Variants in AKR1C3 observed in about 807,000 individuals in gnomAD.
AKR1C3 encodes the protein aldo-keto reductase family 1 member C3, also known as 3-alpha hydroxysteroid dehydrogenase, type II.
In AKR1C3, 48 loss-of-function variants were observed where a neutral mutation model predicts 43.6. The ratio of observed to expected loss-of-function variants is 1.10; its 90% CI spans 0.87 to 1.40. AKR1C3 has a LOEUF of 1.40. Among genes scored for constraint, AKR1C3 ranks in the 40% most tolerant of loss-of-function variants. The pLI, the probability that AKR1C3 is intolerant of heterozygous loss-of-function variation, is 0.00. For synonymous variants in AKR1C3, 162 were observed against 139.6 expected (o/e 1.16, Z -1.13); for missense variants, 482 against 391.2 (o/e 1.23, Z -1.96).
chr10:5,048,900 T>C (rs782671672), intron 1 of AKR1C3: 1 of 1,611,694 alleles, frequency 6.2e-7, no homozygotes, highest in South Asian at 1.1e-5. Context: ...CCAGAGGTAA[T>C]AATAATGTTT....
At chr10:5,082,812 A>G (rs1457602973) in intron 1 of AKR1C3, among the ~76,000 whole-genome samples, 1 of 152,106 alleles carries the variant, frequency 6.6e-6, no homozygotes, top group African/African-American at 2.4e-5. Context: ...AGTTTAGTAG[A>G]ACAATTAGGG....
chr10:5,062,574 G>T lies in AKR1C3; in HGVS notation c.84+13679G>T, dbSNP rs530919428. On this transcript the variant is annotated intron_variant, in intron 1 of 8. Transcript: ENST00000439082. Reference sequence around the variant, plus strand: ...AAACCATGTAAACCAGTGCCATCCTGTTCCACCTGCACTTTCTTATTTTAA... The same window carrying T: ...AAACCATGTAAACCAGTGCCATCCTTTTCCACCTGCACTTTCTTATTTTAA... Among the ~76,000 whole-genome samples, 227 of 152,216 alleles carry T rather than the reference G, an allele frequency of 1.5e-3. 1 individual carries two copies. The highest frequency in any genetic ancestry group is 5.3e-3 in the African/African-American group (220 of 41,544).
intron 3 of AKR1C3, chr10:5,098,102 T>C (rs1271837366): frequency 1.0e-6 from 1 of 987,028 alleles, no homozygotes. Context: ...GTATAACTTT[T>C]GATTTAAAGT....
intron 5 of AKR1C3, 28 bp downstream of exon 5, chr10:5,099,477 C>CGGTTCTTCATGCCCCCTCT (rs1839296184): frequency 6.2e-7 from 1 of 1,613,882 alleles, no homozygotes; most frequent in African/African-American, 1.3e-5. Flanking sequence ...TCTCTCCTTT[C>CGGTTCTTCATGCCCCCTCT]GGTTCTTCAT....
chr10:5,086,011 CT>C, intron 1 of AKR1C3, among the ~76,000 whole-genome samples: 1 of 151,804 alleles, frequency 6.6e-6, no homozygotes, highest in South Asian at 2.1e-4. Context: ...TTTTGTTGAT[CT>C]TTTCAAAAAA....
chr10:5,092,049 T>A (rs546504725), upstream of AKR1C3, among the ~76,000 whole-genome samples: 129 of 145,166 alleles, frequency 8.9e-4, no homozygotes, highest in East Asian at 2.3e-3. Context: ...TAAAAAAAAA[T>A]TTTTGCCAAA....
Position 5,105,645 on chromosome 10 carries a change from A to G in AKR1C3, c.897A>G (p.Leu299=). Residue 299 remains leucine (L), a synonymous_variant, in exon 8 of 9, where the codon CTA becomes CTG. Coordinates refer to ENST00000380554, the MANE Select transcript of AKR1C3 (RefSeq NM_003739.6). ...TAEDMKAIDG[L]DRNLHYFNSD... ...AGGACATGAAAGCCATAGATGGCCT[A>G]GACAGAAATCTCCACTATTTTAACA... 1 of 1,614,018 alleles carries G rather than the reference A, an allele frequency of 6.2e-7. No individual in the cohort carries two copies. Among genetic ancestry groups the G allele is most frequent in the Non-Finnish European group, 8.5e-7 (1 of 1,179,892 alleles).
chr10:5,092,481 CTCTT>C (rs1189270183), upstream of AKR1C3, among the ~76,000 whole-genome samples: 2 of 58,588 alleles, frequency 3.4e-5, no homozygotes, highest in African/African-American at 1.1e-4. Flanking sequence ...CATCTCTTTA[CTCTT>C]TTTTTTTTTT....
At chr10:5,089,422 A>G (rs1419350686), upstream of AKR1C3, among the ~76,000 whole-genome samples, 1 of 152,118 alleles carries the variant, frequency 6.6e-6, no homozygotes, top group Non-Finnish European at 1.5e-5. Context: ...CATATTTCTC[A>G]AAGCCTTTGT....
rs782746284 is a variant in AKR1C3, at chr10:5,095,871, T to G, written c.85-539T>G. Among the ~76,000 whole-genome samples, 1,491 of 152,238 alleles carry G rather than the reference T, an allele frequency of 9.8e-3. 23 individuals carry two copies. The highest frequency in any genetic ancestry group is 0.034 in the African/African-American group (1,419 of 41,552). On this transcript the variant is annotated intron_variant, in intron 1 of 8. Transcript: ENST00000380554. ...GCAGAAAAGACTTAATAGACTACTA[T>G]TCACAGATGCTTTATTTCCCAAGTG...
At chr10:5,068,509 CAAAA>C (rs74260861) in intron 1 of AKR1C3, among the ~76,000 whole-genome samples, 1 of 59,480 alleles carries the variant, frequency 1.7e-5, no homozygotes, top group African/African-American at 7.2e-5. Context: ...AACCTTTTAC[CAAAA>C]AAAAAAAAAA....
intron 1 of AKR1C3, among the ~76,000 whole-genome samples, chr10:5,063,446 T>A: frequency 6.6e-6 from 1 of 151,626 alleles, no homozygotes; most frequent in Admixed American, 6.6e-5. Flanking sequence ...CCTTACGAAA[T>A]GGTAGTAAAG....
chr10:5,058,352 A>G (rs1480051172), intron 1 of AKR1C3, among the ~76,000 whole-genome samples: 3 of 152,058 alleles, frequency 2.0e-5, no homozygotes, highest in Non-Finnish European at 4.4e-5. Context: ...TGTAATTTGT[A>G]CTTCCCTCAG....
At chr10:5,062,036 G>T (rs1439260465) in intron 1 of AKR1C3, among the ~76,000 whole-genome samples, 1 of 152,178 alleles carries the variant, frequency 6.6e-6, no homozygotes, top group Non-Finnish European at 1.5e-5. Context: ...CTCTTACAAA[G>T]ACATGTAATT....
intron 1 of AKR1C3, among the ~76,000 whole-genome samples, chr10:5,073,579 C>T (rs1397447061): frequency 1.3e-5 from 2 of 152,198 alleles, no homozygotes; most frequent in Non-Finnish European, 2.9e-5. Context: ...ACTCAGCGAG[C>T]AGCTCCAGCC....
chr10:5,102,750 C>A (rs1839389293), intron 7 of AKR1C3, 100 bp downstream of exon 7: 1 of 1,504,856 alleles, frequency 6.6e-7, no homozygotes, highest in Admixed American at 2.2e-5. Context: ...AGCTCCATTT[C>A]CCTGTATTTC....
chr10:5,107,386 C>G, intron 8 of AKR1C3, 75 bp from the exon 9 acceptor site: 1 of 1,068,126 alleles, frequency 9.4e-7, no homozygotes, highest in African/African-American at 1.6e-5. Context: ...CTAATGACAG[C>G]TTCATTGAAA....
intron 5 of AKR1C3, 69 bp downstream of exon 5, chr10:5,099,518 C>A (rs897214455): frequency 6.2e-7 from 1 of 1,605,482 alleles, no homozygotes; most frequent in Admixed American, 1.7e-5. Flanking sequence ...TGCCAAATAT[C>A]TGTTTGTTTT....
chr10:5,096,708 C>T (rs1382889092), intron 2 of AKR1C3, 131 bp downstream of exon 2: 8 of 1,391,968 alleles, frequency 5.7e-6, no homozygotes, highest in Non-Finnish European at 6.7e-6. Context: ...CACATACTCA[C>T]ATACTAAAAC....
Sources: allele counts gnomAD v4.1 joint callset (sites outside exome capture counted in the v4.1 genomes callset), GRCh38; gene constraint gnomAD v4.1.1; transcripts MANE v1.5; gene names NCBI Gene and HGNC (gene_info 2026-07-23, HGNC 2026-07-21).